The following TRIM5 variants were observed in gnomAD, a reference collection of about 807,000 sequenced individuals.
The protein encoded by TRIM5 is tripartite motif-containing protein 5.
A neutral mutation model predicts 35.6 loss-of-function variants in TRIM5; 31 were observed. The ratio of observed to expected loss-of-function variants is 0.87; its 90% confidence interval spans 0.65 to 1.18. The LOEUF (loss-of-function observed/expected upper bound fraction) is 1.18, where lower values mean the gene tolerates loss of function less well. Ranked by LOEUF, TRIM5 falls within the 50% of genes most tolerant of loss-of-function variation. The pLI is 0.00. For missense variants in TRIM5, 609 were observed against 591.6 expected, an observed-to-expected ratio of 1.03 and a Z score of -0.31; for synonymous variants, 243 against 215.6, an observed-to-expected ratio of 1.13 and a Z score of -1.11.
chr11:5,589,498 G>C, the TRIM5 span: 1 of 151,998 alleles, frequency 6.6e-6, no homozygotes, highest in African/African-American at 2.4e-5. Context: ...TTGTATTTAT[G>C]TGTGTTTTTA....
At chr11:5,603,728 A>G in the TRIM5 span, 2 of 1,613,422 alleles carry the variant, frequency 1.2e-6, no homozygotes, top group Non-Finnish European at 1.7e-6. Flanking sequence ...GTTGCCCAGG[A>G]GTACCAGGTG....
At chr11:5,661,254 T>C (rs1035088939), downstream of TRIM5, among the ~76,000 whole-genome samples, 2 of 151,896 alleles carry the variant, frequency 1.3e-5, no homozygotes, top group Admixed American at 6.6e-5. Flanking sequence ...GAGATCTCTT[T>C]TCCAAAGAGC....
the TRIM5 span, chr11:5,611,023 A>G: frequency 1.9e-6 from 3 of 1,614,064 alleles, no homozygotes; most frequent in Non-Finnish European, 2.5e-6. Flanking sequence ...TTCTCTTTCA[A>G]CCATTTTGCT....
chr11:5,596,960 A>G, the TRIM5 span: 1 of 1,613,994 alleles, frequency 6.2e-7, no homozygotes, highest in Non-Finnish European at 8.5e-7. Flanking sequence ...CACTTCTGGC[A>G]GAGGTGACAG....
downstream of TRIM5, among the ~76,000 whole-genome samples, chr11:5,661,619 A>C (rs1467810081): frequency 1.3e-5 from 2 of 152,174 alleles, no homozygotes; most frequent in African/African-American, 4.8e-5. Flanking sequence ...AGACGACATA[A>C]TTGTTACTCA....
the TRIM5 span, among the ~76,000 whole-genome samples, chr11:5,620,838 A>T: frequency 6.6e-6 from 1 of 152,212 alleles, no homozygotes; most frequent in Non-Finnish European, 1.5e-5. Context: ...CTACAGTGAG[A>T]TAGCAAGGCA....
At chr11:5,666,132 C>T (rs372805273) in intron 5 of TRIM5, 51 bp from the exon 6 acceptor site, 17 of 1,465,448 alleles carry the variant, frequency 1.2e-5, no homozygotes, top group Admixed American at 9.9e-5. Context: ...ACCTTGTGTC[C>T]GTGGAACACC....
At chr11:5,669,359 C>A (rs930914745) in intron 4 of TRIM5, among the ~76,000 whole-genome samples, 1 of 152,146 alleles carries the variant, frequency 6.6e-6, no homozygotes, top group Non-Finnish European at 1.5e-5. Context: ...GGATTACAGG[C>A]GTGAGCCACC....
downstream of TRIM5, among the ~76,000 whole-genome samples, chr11:5,661,782 G>A (rs1242333602): frequency 6.6e-6 from 1 of 152,138 alleles, no homozygotes; most frequent in Non-Finnish European, 1.5e-5. Flanking sequence ...CAATTCATAA[G>A]CTTCATATTC....
chr11:5,642,935 A>T, the TRIM5 span: 17 of 1,547,632 alleles, frequency 1.1e-5, no homozygotes, highest in Non-Finnish European at 3.5e-6. Flanking sequence ...AGCCTCATGC[A>T]TTCTCAGCAC....
chr11:5,667,454 G>A (rs760810851), intron 5 of TRIM5, among the ~76,000 whole-genome samples: 3 of 152,056 alleles, frequency 2.0e-5, no homozygotes, highest in Admixed American at 6.6e-5. Context: ...CTGACTCGGC[G>A]TCCCAAAGTG....
chr11:5,665,391 A>T lies in TRIM5; in HGVS notation c.900T>A (p.Asp300Glu). 1 of 1,602,168 alleles carries T rather than the reference A, an allele frequency of 6.2e-7. No individual in the cohort carries two copies. The highest frequency in any genetic ancestry group is 8.5e-7 in the Non-Finnish European group (1 of 1,174,616). The change falls in exon 8 of 8, where the codon GAT becomes GAA. Residue 300 changes from aspartate (D) to glutamate (E), a missense_variant. Asp to Glu is a conservative substitution (Grantham distance 45). Coordinates refer to ENST00000380034, the MANE Select transcript of TRIM5 (RefSeq NM_033034.3). ...AAATGTTGTTTGGAGCCACTGTCAC[A>T]TCAACTGTAGAAAAATTAACAGGTC... ...ELTDVRRYWVDVTVAPNNISC... is the reference protein window; with the variant it reads ...ELTDVRRYWVEVTVAPNNISC...
Position 5,664,583 on chromosome 11 carries a change from G to A in TRIM5, c.*226C>T. ...TGAGGTATAGGTCAGTTTTCCTTAG[G>A]AGTACGGAAAATGATGAAAAAAATT... On this transcript the variant is annotated 3_prime_UTR_variant, in exon 8 of 8. Coordinates refer to ENST00000380034, the MANE Select transcript of TRIM5 (RefSeq NM_033034.3). The A allele has an allele frequency of 7.8e-7, 1 of 1,279,890 alleles. No homozygotes were observed. Among genetic ancestry groups the A allele is most frequent in the Non-Finnish European group, 9.9e-7 (1 of 1,015,166 alleles). 79.3% of individuals were successfully genotyped at this position (1,279,890 alleles called of 1,614,324 possible). A position where few individuals can be genotyped will look rare whatever the true frequency, so the allele number is the denominator to read the frequency against.
rs1395406239 is a variant in TRIM5 at position 5,663,748 on chromosome 11, A to C, written c.*1061T>G. On this transcript the variant is annotated 3_prime_UTR_variant, in exon 8 of 8. Coordinates refer to ENST00000380034, the MANE Select transcript of TRIM5 (RefSeq NM_033034.3). ...GGTAATTAGCATATCCATCACCTCAAATATGTGTCATTTCTTTGTGTTGAG... is the reference window on the plus strand; with the variant it reads ...GGTAATTAGCATATCCATCACCTCACATATGTGTCATTTCTTTGTGTTGAG... 9.4e-6 allele frequency: 2 copies of C among 213,512 alleles called. No homozygotes were observed. The highest frequency in any genetic ancestry group is 1.6e-5 in the Non-Finnish European group (2 of 124,092). 13.2% of individuals were successfully genotyped at this position (213,512 alleles called of 1,614,324 possible).
chr11:5,606,493 C>T, the TRIM5 span, among the ~76,000 whole-genome samples: 1 of 151,556 alleles, frequency 6.6e-6, no homozygotes, highest in Non-Finnish European at 1.5e-5. Context: ...TCCTCTTGCT[C>T]CTTCTTTCTT....
chr11:5,598,738 C>T, the TRIM5 span, among the ~76,000 whole-genome samples: 1 of 152,172 alleles, frequency 6.6e-6, no homozygotes, highest in Non-Finnish European at 1.5e-5. Flanking sequence ...AACACAGTTC[C>T]ATTATGCTTA....
At chr11:5,610,786 C>A in the TRIM5 span, 1 of 1,614,028 alleles carries the variant, frequency 6.2e-7, no homozygotes, top group Non-Finnish European at 8.5e-7. Flanking sequence ...GTTGACGTGA[C>A]CCTGAATCCA....
intron 2 of TRIM5, 29 bp downstream of exon 2, chr11:5,679,732 C>A: frequency 6.6e-7 from 1 of 1,523,274 alleles, no homozygotes; most frequent in Non-Finnish European, 8.8e-7. Flanking sequence ...CATTTTCTGC[C>A]CTCTCTTCCT....
intron 4 of TRIM5, among the ~76,000 whole-genome samples, chr11:5,677,684 C>T (rs925654651): frequency 1.3e-5 from 2 of 152,202 alleles, no homozygotes; most frequent in Non-Finnish European, 2.9e-5. Flanking sequence ...CCTCCTGGGC[C>T]TCCCAAAGTG....
Sources: allele counts gnomAD v4.1 joint callset (sites outside exome capture counted in the v4.1 genomes callset), GRCh38; gene constraint gnomAD v4.1.1; transcripts MANE v1.5; gene names NCBI Gene and HGNC (gene_info 2026-07-23, HGNC 2026-07-21).